The following GALNTL6 variants were observed in gnomAD, a reference collection of about 807,000 sequenced individuals.
GALNTL6 encodes the protein polypeptide N-acetylgalactosaminyltransferase like 6.
GALNTL6 carries 46 observed loss-of-function variants against 73.7 expected under a neutral mutation model. The observed-to-expected ratio is 0.62, with a 90% CI of 0.49 to 0.80. The LOEUF (loss-of-function observed/expected upper bound fraction) is 0.80, where lower values mean the gene tolerates loss of function less well. Among genes scored for constraint, GALNTL6 ranks in the 30% least tolerant of loss-of-function variants. GALNTL6 has a pLI of 0.00. For missense variants in GALNTL6, 604 were observed against 755.0 expected, an observed-to-expected ratio of 0.80 and a Z score of 2.34; for synonymous variants, 259 against 263.7, an observed-to-expected ratio of 0.98 and a Z score of 0.17.
rs1341821965 is a variant in GALNTL6, at chr4:172,276,887, CATTTTATTAATTTAATGGACT to C, written c.248-34701_248-34681del. Among the ~76,000 whole-genome samples the C allele has an allele frequency of 1.1e-4, 16 of 152,048 alleles. 1 individual carries two copies. Among genetic ancestry groups the C allele is most frequent in the Non-Finnish European group, 1.9e-4 (13 of 67,970 alleles). On this transcript the variant is annotated intron_variant, in intron 3 of 12. Coordinates refer to ENST00000506823, the MANE Select transcript of GALNTL6 (RefSeq NM_001034845.3). ...ATATAGATTATTTTTAAAAACATGC[CATTTTATTAATTTAATGGACT>C]ATTTTATTAATTTAATGGACTATTT...
At chr4:172,824,979 C>G (rs1742154270) in intron 7 of GALNTL6, among the ~76,000 whole-genome samples, 1 of 151,196 alleles carries the variant, frequency 6.6e-6, no homozygotes, top group Non-Finnish European at 1.5e-5. Context: ...CTGGTTTTGA[C>G]AAGATCATCA....
intron 5 of GALNTL6, among the ~76,000 whole-genome samples, chr4:172,588,862 A>G (rs1196503739): frequency 1.3e-5 from 2 of 152,180 alleles, no homozygotes; most frequent in East Asian, 3.9e-4. Context: ...ATCACTCTAG[A>G]AATAGCTCTA....
At chr4:172,520,607 C>T (rs915293025) in intron 5 of GALNTL6, among the ~76,000 whole-genome samples, 10 of 150,306 alleles carry the variant, frequency 6.7e-5, no homozygotes. Context: ...CCATTGAAAA[C>T]ATTTCTTATT....
chr4:172,714,306 AACACACACACACACAC>A (rs3084330), intron 5 of GALNTL6, among the ~76,000 whole-genome samples: 1 of 149,172 alleles, frequency 6.7e-6, no homozygotes, highest in East Asian at 2.0e-4. Flanking sequence ...TTTCACACCA[AACACACACACACACAC>A]ACACACACAC....
At chr4:171,997,670 C>T (rs527554874) in intron 2 of GALNTL6, among the ~76,000 whole-genome samples, 1 of 152,150 alleles carries the variant, frequency 6.6e-6, no homozygotes, top group African/African-American at 2.4e-5. Context: ...AAGTCAGAGA[C>T]CATCTGTAGT....
intron 5 of GALNTL6, among the ~76,000 whole-genome samples, chr4:172,625,202 T>C (rs927071826): frequency 6.6e-6 from 1 of 151,976 alleles, no homozygotes; most frequent in Non-Finnish European, 1.5e-5. Flanking sequence ...GTTTGACTCT[T>C]TTACTACCCT....
At chr4:172,391,155 T>C (rs1363672787) in intron 5 of GALNTL6, among the ~76,000 whole-genome samples, 1 of 152,184 alleles carries the variant, frequency 6.6e-6, no homozygotes, top group Non-Finnish European at 1.5e-5. Flanking sequence ...TACCACAGAC[T>C]GAATAATTTA....
At chr4:172,449,411 C>A (rs915531502) in intron 5 of GALNTL6, among the ~76,000 whole-genome samples, 1 of 152,204 alleles carries the variant, frequency 6.6e-6, no homozygotes, top group African/African-American at 2.4e-5. Context: ...CTTCCATTAA[C>A]CCTCTCCAAG....
intron 2 of GALNTL6, among the ~76,000 whole-genome samples, chr4:171,846,992 A>G (rs1735391440): frequency 6.7e-6 from 1 of 148,834 alleles, no homozygotes; most frequent in Non-Finnish European, 1.5e-5. Flanking sequence ...ATACATATAC[A>G]TATAATTATA....
intron 2 of GALNTL6, among the ~76,000 whole-genome samples, chr4:171,912,948 T>C (rs1270349735): frequency 6.6e-6 from 1 of 152,230 alleles, no homozygotes; most frequent in Non-Finnish European, 1.5e-5. Flanking sequence ...CCCGTTCATC[T>C]ATTGATGGAC....
chr4:172,001,731 G>A (rs1353967963), intron 2 of GALNTL6, among the ~76,000 whole-genome samples: 2 of 152,126 alleles, frequency 1.3e-5, no homozygotes, highest in East Asian at 3.9e-4. Context: ...CCTCTCTAGG[G>A]GTTCTTCTTA....
intron 5 of GALNTL6, among the ~76,000 whole-genome samples, chr4:172,771,506 G>T (rs1738758345): frequency 6.6e-6 from 1 of 152,188 alleles, no homozygotes; most frequent in Non-Finnish European, 1.5e-5. Context: ...CCTTTTGAGT[G>T]TCAGGTGTAT....
At chr4:172,734,231 A>C (rs960610130) in intron 5 of GALNTL6, among the ~76,000 whole-genome samples, 6 of 152,258 alleles carry the variant, frequency 3.9e-5, no homozygotes. Flanking sequence ...AGACGATAAA[A>C]GTTTGAAAAT....
At chr4:172,024,157 T>C (rs987127999) in intron 2 of GALNTL6, among the ~76,000 whole-genome samples, 1 of 151,898 alleles carries the variant, frequency 6.6e-6, no homozygotes, top group Non-Finnish European at 1.5e-5. Context: ...TTTAATTTTG[T>C]TCTCTTCTTC....
At chr4:171,828,771 T>C (rs1003509047) in intron 2 of GALNTL6, among the ~76,000 whole-genome samples, 1 of 152,086 alleles carries the variant, frequency 6.6e-6, no homozygotes, top group Non-Finnish European at 1.5e-5. Context: ...TACAGGCACA[T>C]GCTACTGGGC....
At chr4:171,839,869 T>C (rs946733275) in intron 2 of GALNTL6, among the ~76,000 whole-genome samples, 2 of 152,136 alleles carry the variant, frequency 1.3e-5, no homozygotes, top group African/African-American at 4.8e-5. Flanking sequence ...TAGCAATAAT[T>C]TATTCATGAG....
At chr4:172,517,374 C>T (rs1734644412) in intron 5 of GALNTL6, among the ~76,000 whole-genome samples, 1 of 152,010 alleles carries the variant, frequency 6.6e-6, no homozygotes, top group Non-Finnish European at 1.5e-5. Flanking sequence ...AACATTTTGA[C>T]TAAGATTTTA....
intron 5 of GALNTL6, among the ~76,000 whole-genome samples, chr4:172,529,505 G>A (rs1735093481): frequency 6.6e-6 from 1 of 151,962 alleles, no homozygotes; most frequent in East Asian, 1.9e-4. Context: ...ATCATAGAAT[G>A]TTTTGATAGC....
chr4:172,019,330 A>G (rs1181505747), intron 2 of GALNTL6, among the ~76,000 whole-genome samples: 1 of 152,070 alleles, frequency 6.6e-6, no homozygotes, highest in African/African-American at 2.4e-5. Context: ...CATTTTAAAG[A>G]ATCATGTTAG....
Sources: allele counts gnomAD v4.1 joint callset (sites outside exome capture counted in the v4.1 genomes callset), GRCh38; gene constraint gnomAD v4.1.1; transcripts MANE v1.5; gene names NCBI Gene and HGNC (gene_info 2026-07-23, HGNC 2026-07-21).